SLC37A3: variants seen among roughly 807,000 people sequenced by gnomAD.
The protein encoded by SLC37A3 is solute carrier family 37 member 3.
SLC37A3 carries 51 observed loss-of-function variants against 67.1 expected under a neutral mutation model. That is an observed-to-expected ratio of 0.76 (90% CI 0.61 to 0.96). The LOEUF is 0.96. Ranked by LOEUF, SLC37A3 falls within the 40% of genes least tolerant of loss-of-function variation. The pLI, the probability that SLC37A3 is intolerant of heterozygous loss-of-function variation, is 0.00. For synonymous variants in SLC37A3, 214 were observed against 231.4 expected, an observed-to-expected ratio of 0.92 and a Z score of 0.68; for missense variants, 508 against 603.0, an observed-to-expected ratio of 0.84 and a Z score of 1.65.
intron 5 of SLC37A3, among the ~76,000 whole-genome samples, chr7:140,360,054 A>G (rs1251221576): frequency 6.6e-6 from 1 of 152,206 alleles, no homozygotes; most frequent in Non-Finnish European, 1.5e-5. Context: ...AAACACTGAA[A>G]AACAATAGTA....
At chr7:140,377,171 CTGACCTCAAGTGATA>C (rs763049156) in intron 3 of SLC37A3, among the ~76,000 whole-genome samples, 1 of 151,896 alleles carries the variant, frequency 6.6e-6, no homozygotes, top group Non-Finnish European at 1.5e-5. Flanking sequence ...TCTCGAACTC[CTGACCTCAAGTGATA>C]TGCCCGCCTC....
intron 14 of SLC37A3, among the ~76,000 whole-genome samples, chr7:140,336,159 A>G (rs1796123204): frequency 6.6e-6 from 1 of 152,248 alleles, no homozygotes; most frequent in African/African-American, 2.4e-5. Flanking sequence ...TGAGTATGTC[A>G]CAGCTCATAA....
intron 2 of SLC37A3, among the ~76,000 whole-genome samples, chr7:140,382,095 C>T (rs769380592): frequency 8.6e-5 from 13 of 151,510 alleles, no homozygotes; most frequent in Non-Finnish European, 1.8e-4. Flanking sequence ...AGGGCTTCTC[C>T]GCCTCCACAC....
At chr7:140,381,894 A>G (rs1460596599) in intron 2 of SLC37A3, among the ~76,000 whole-genome samples, 1 of 151,290 alleles carries the variant, frequency 6.6e-6, no homozygotes, top group South Asian at 2.1e-4. Flanking sequence ...CGCACCTGTA[A>G]TCCCAGCTAC....
intron 1 of SLC37A3, among the ~76,000 whole-genome samples, chr7:140,385,601 T>C (rs767726339): frequency 2.8e-4 from 42 of 152,146 alleles, no homozygotes; most frequent in Non-Finnish European, 6.2e-4. Flanking sequence ...TTACAGTACA[T>C]TGGCAATAGA....
intron 1 of SLC37A3, among the ~76,000 whole-genome samples, chr7:140,393,792 A>G (rs1003840518): frequency 1.3e-5 from 2 of 152,104 alleles, no homozygotes; most frequent in Admixed American, 6.6e-5. Flanking sequence ...GTTCATCTGT[A>G]AGCTCCATAA....
intron 10 of SLC37A3, among the ~76,000 whole-genome samples, chr7:140,347,091 T>C (rs1585262885): frequency 6.6e-6 from 1 of 151,652 alleles, no homozygotes; most frequent in African/African-American, 2.4e-5. Context: ...TGAAATGCCA[T>C]CTCTACAAAA....
At chr7:140,364,081 T>C (rs952687443) in intron 5 of SLC37A3, among the ~76,000 whole-genome samples, 1 of 152,074 alleles carries the variant, frequency 6.6e-6, no homozygotes, top group African/African-American at 2.4e-5. Context: ...TGAAACCCCG[T>C]CTCTACCAAA....
intron 6 of SLC37A3, among the ~76,000 whole-genome samples, chr7:140,356,107 T>C (rs1273609856): frequency 6.6e-6 from 1 of 150,760 alleles, no homozygotes; most frequent in Non-Finnish European, 1.5e-5. Context: ...GGCAAGAGAA[T>C]AGCTTGAACC....
chr7:140,354,382 G>A (rs1013083226), intron 7 of SLC37A3, among the ~76,000 whole-genome samples: 2 of 150,846 alleles, frequency 1.3e-5, no homozygotes, highest in African/African-American at 2.4e-5. Context: ...AGTACAACAT[G>A]TTTTCAAACT....
intron 14 of SLC37A3, among the ~76,000 whole-genome samples, chr7:140,336,380 C>T (rs978613712): frequency 8.5e-5 from 13 of 152,080 alleles, no homozygotes; most frequent in African/African-American, 2.2e-4. Context: ...GAGCTGTGAT[C>T]GTGCCACTGC....
At chr7:140,368,841 T>C (rs1797709268) in intron 4 of SLC37A3, among the ~76,000 whole-genome samples, 1 of 152,068 alleles carries the variant, frequency 6.6e-6, no homozygotes, top group South Asian at 2.1e-4. Flanking sequence ...GAAAAAATAT[T>C]ATTGGCTTTA....
At chr7:140,361,487 GCCTCTCCCTCCCCCTCCCCCTCCC>G (rs1563027110) in intron 5 of SLC37A3, among the ~76,000 whole-genome samples, 2 of 55,950 alleles carry the variant, frequency 3.6e-5, no homozygotes, top group African/African-American at 2.1e-4. Context: ...CGGACACACA[GCCTCTCCCTCCCCCTCCCCCTCCC>G]CCTCCCCCTC....
intron 3 of SLC37A3, among the ~76,000 whole-genome samples, chr7:140,373,083 C>T (rs1797888824): frequency 6.6e-6 from 1 of 152,134 alleles, no homozygotes; most frequent in African/African-American, 2.4e-5. Context: ...TCCTGAGTAG[C>T]TGGGACTACA....
At chr7:140,396,357 C>G (rs9640465) in intron 1 of SLC37A3, among the ~76,000 whole-genome samples, 1 of 152,142 alleles carries the variant, frequency 6.6e-6, no homozygotes, top group African/African-American at 2.4e-5. Context: ...TTATCTCATA[C>G]GAAGCCATTT....
At chr7:140,345,580 G>A (rs1238968175) in intron 11 of SLC37A3, among the ~76,000 whole-genome samples, 1 of 151,972 alleles carries the variant, frequency 6.6e-6, no homozygotes, top group Non-Finnish European at 1.5e-5. Flanking sequence ...TGTTTTATTG[G>A]CTATAATGCT....
intron 9 of SLC37A3, among the ~76,000 whole-genome samples, chr7:140,349,943 T>C (rs776270339): frequency 7.9e-5 from 12 of 152,252 alleles, no homozygotes; most frequent in Non-Finnish European, 1.2e-4. Context: ...ATTTCTCTTA[T>C]ATCATATATC....
chr7:140,379,145 G>C (rs906466309), intron 3 of SLC37A3: 3 of 151,962 alleles, frequency 2.0e-5, no homozygotes, highest in African/African-American at 4.8e-5. Flanking sequence ...TGGGAAACAC[G>C]GCAAGACCCT....
chr7:140,351,018 A>T (rs983790761), intron 9 of SLC37A3, among the ~76,000 whole-genome samples: 2 of 152,150 alleles, frequency 1.3e-5, no homozygotes, highest in African/African-American at 4.8e-5. Context: ...AAAGCTGAGT[A>T]GTTGGGGGAG....
Sources: gnomAD v4.1 joint callset for allele counts (sites outside exome capture counted in the v4.1 genomes callset) on GRCh38, gnomAD v4.1.1 for gene constraint, MANE v1.5 for transcripts, NCBI Gene and HGNC (gene_info 2026-07-23, HGNC 2026-07-21) for gene names.